Variants in MECOM observed in about 807,000 individuals in gnomAD.
MECOM encodes the protein histone-lysine N-methyltransferase MECOM.
Under a neutral mutation model 116.3 loss-of-function variants are expected in MECOM, and 13 were observed. The observed-to-expected ratio is 0.11, with a 90% CI of 0.07 to 0.18. The LOEUF (loss-of-function observed/expected upper bound fraction) is 0.18, where lower values mean the gene tolerates loss of function less well. Among genes scored for constraint, MECOM ranks in the 10% least tolerant of loss-of-function variants. The pLI, the probability that MECOM is intolerant of heterozygous loss-of-function variation, is 1.00. For missense variants in MECOM, 1,299 were observed against 1,509.0 expected (o/e 0.86, Z 2.31); for synonymous variants, 528 against 535.2 (o/e 0.99, Z 0.19).
chr3:169,149,690 T>C (rs1486285478), intron 2 of MECOM: 1 of 479,524 alleles, frequency 2.1e-6, no homozygotes, highest in Non-Finnish European at 4.2e-6. Flanking sequence ...TTCCTACGTC[T>C]GAGCTTCTCT....
chr3:169,150,670 T>C (rs951383628), intron 2 of MECOM, among the ~76,000 whole-genome samples: 2 of 152,230 alleles, frequency 1.3e-5, no homozygotes, highest in African/African-American at 4.8e-5. Context: ...TCAGTGATGT[T>C]TAAAAAGAGA....
rs943777975 is a variant in MECOM at position 169,083,678 on chromosome 3, A to T, written c.*1231T>A. On this transcript the variant is annotated 3_prime_UTR_variant, in exon 17 of 17. Coordinates refer to ENST00000651503, the MANE Select transcript of MECOM (RefSeq NM_004991.4). ...AATCTGGTTCCTCAATAAAGGGCAA[A>T]ATAACTGAATACAGTCTGTTATTTA... 1.5e-5 allele frequency: 3 copies of T among 201,704 alleles called. No homozygotes were observed. The highest frequency in any genetic ancestry group is 6.9e-5 in the African/African-American group (3 of 43,734). 12.5% of individuals were successfully genotyped at this position (201,704 alleles called of 1,614,324 possible).
At chr3:169,266,400 T>C (rs1439521213) in intron 2 of MECOM, among the ~76,000 whole-genome samples, 2 of 152,228 alleles carry the variant, frequency 1.3e-5, no homozygotes, top group Non-Finnish European at 2.9e-5. Flanking sequence ...TGTTTGAAAA[T>C]GGTATAACCA....
chr3:169,240,933 C>T lies in MECOM; in HGVS notation c.376-97101G>A, dbSNP rs953970485. ...CAAACAGCACAATGAAATTGTAATGCCCTCTCCGTGTGGACCTGGATTATT... is the reference window on the plus strand; with the variant it reads ...CAAACAGCACAATGAAATTGTAATGTCCTCTCCGTGTGGACCTGGATTATT... On this transcript the variant is annotated intron_variant, in intron 2 of 16. Transcript: ENST00000651503. Among the ~76,000 whole-genome samples the T allele has an allele frequency of 2.8e-4, 43 of 152,248 alleles. 1 individual carries two copies. Among genetic ancestry groups the T allele is most frequent in the Admixed American group, 1.6e-3 (25 of 15,292 alleles).
chr3:169,299,114 T>C (rs1716193132), intron 2 of MECOM, among the ~76,000 whole-genome samples: 1 of 152,168 alleles, frequency 6.6e-6, no homozygotes, highest in African/African-American at 2.4e-5. Context: ...TTTTAACAAA[T>C]AGATCCTTCC....
rs563538111 is a variant in MECOM, at chr3:169,294,618, C to T, written c.375+86569G>A. 5.6e-4 allele frequency among the ~76,000 whole-genome samples: 86 copies of T among 152,298 alleles called. 1 individual carries two copies. The highest frequency in any genetic ancestry group is 8.1e-4 in the Non-Finnish European group (55 of 68,026). On this transcript the variant is annotated intron_variant, in intron 2 of 16. Transcript: ENST00000651503. ...AGCCACTAGAAAAACAAACAAACAACCAAATACAGCTCAAGGCTTATCAGC... is the reference window on the plus strand; with the variant it reads ...AGCCACTAGAAAAACAAACAAACAATCAAATACAGCTCAAGGCTTATCAGC...
intron 2 of MECOM, among the ~76,000 whole-genome samples, chr3:169,263,127 A>ATT (rs1757800705): frequency 5.1e-5 from 1 of 19,610 alleles, no homozygotes; most frequent in African/African-American, 2.4e-4. Flanking sequence ...ATATATATAT[A>ATT]TGTTTTTTTT....
intron 2 of MECOM, among the ~76,000 whole-genome samples, chr3:169,360,332 GA>G (rs1238296288): frequency 1.2e-4 from 6 of 51,586 alleles, no homozygotes; most frequent in Non-Finnish European, 1.9e-4. Context: ...AAAAAAAAAA[GA>G]AAAAAAAAAA....
At chr3:169,578,750 A>C (rs1328134625) in intron 1 of MECOM, among the ~76,000 whole-genome samples, 1 of 152,198 alleles carries the variant, frequency 6.6e-6, no homozygotes, top group Admixed American at 6.5e-5. Context: ...CCGCTGAATT[A>C]ATTACAAGCG....
chr3:169,382,861 AAAATAAAAAAAAT>A (rs1247953191), intron 1 of MECOM, among the ~76,000 whole-genome samples: 962 of 86,502 alleles, frequency 0.011, 64 homozygotes, highest in African/African-American at 0.039. Flanking sequence ...AAAAAAAAAA[AAAATAAAAAAAAT>A]AAAAAAAGAA....
At position 169,143,785 on chromosome 3, in the gene MECOM, T is replaced by A. The variant is rs1157976238; in HGVS notation, c.423A>T (p.Gln141His). The change falls in exon 3 of 17, where the codon CAA becomes CAT. Residue 141 changes from glutamine (Q) to histidine (H), a missense_variant. Around this residue, in one of 6 missense-constraint regions of MECOM, gnomAD observed 374 missense variants for 433.4 expected, o/e 0.86. Transcript: ENST00000651503. Reference protein sequence around the residue: ...YNVKFCIDASQPDVGSWLKYI... With the variant: ...YNVKFCIDASHPDVGSWLKYI... ...ACTTGAGCCAGCTTCCAACATCTGG[T>A]TGACTGGCATCTATGCAGAACTTCA... The A allele has an allele frequency of 6.2e-7, 1 of 1,611,792 alleles. No homozygotes were observed. The highest frequency in any genetic ancestry group is 1.7e-5 in the Admixed American group (1 of 59,700).
chr3:169,145,040 A>G, intron 2 of MECOM: 1 of 1,553,512 alleles, frequency 6.4e-7, no homozygotes, highest in South Asian at 1.2e-5. Context: ...GCTTTAGTCA[A>G]GAAGCCCTAT....
chr3:169,406,620 G>A (rs1232271107), intron 1 of MECOM, among the ~76,000 whole-genome samples: 1 of 152,086 alleles, frequency 6.6e-6, no homozygotes, highest in East Asian at 1.9e-4. Context: ...AACTTACTAT[G>A]TGCCAGACTG....
intron 2 of MECOM, among the ~76,000 whole-genome samples, chr3:169,310,186 GA>G (rs1280236562): frequency 6.6e-6 from 1 of 151,990 alleles, no homozygotes; most frequent in Admixed American, 6.5e-5. Context: ...TTCCCAATTA[GA>G]AAAAATCCAT....
chr3:169,092,288 A>C (rs1719965304), intron 14 of MECOM, among the ~76,000 whole-genome samples: 1 of 152,104 alleles, frequency 6.6e-6, no homozygotes, highest in Non-Finnish European at 1.5e-5. Flanking sequence ...ATGAGTAGTC[A>C]CTTAAGAGGA....
At chr3:169,654,057 C>T (rs1405557405) in intron 1 of MECOM, among the ~76,000 whole-genome samples, 1 of 152,196 alleles carries the variant, frequency 6.6e-6, no homozygotes, top group Non-Finnish European at 1.5e-5. Flanking sequence ...CAGAATCTTC[C>T]TCTAAAAGAA....
At chr3:169,184,914 G>A (rs1746499950) in intron 2 of MECOM, among the ~76,000 whole-genome samples, 1 of 152,172 alleles carries the variant, frequency 6.6e-6, no homozygotes, top group Non-Finnish European at 1.5e-5. Context: ...CTGGAGTGCA[G>A]ACCATTACAT....
intron 1 of MECOM, among the ~76,000 whole-genome samples, chr3:169,455,647 A>T (rs1466332427): frequency 6.6e-6 from 1 of 152,248 alleles, no homozygotes; most frequent in Non-Finnish European, 1.5e-5. Flanking sequence ...CACAACTTCC[A>T]GAACAGTAAA....
chr3:169,350,094 A>G (rs2149804812), intron 2 of MECOM, among the ~76,000 whole-genome samples: 1 of 152,124 alleles, frequency 6.6e-6, no homozygotes, highest in South Asian at 2.1e-4. Flanking sequence ...TTCCTTCAAC[A>G]TTCAAAGTTT....
Sources: allele counts gnomAD v4.1 joint callset (sites outside exome capture counted in the v4.1 genomes callset), GRCh38; gene constraint gnomAD v4.1.1; regional missense constraint gnomAD v4.1.1; transcripts MANE v1.5; gene names NCBI Gene and HGNC (gene_info 2026-07-23, HGNC 2026-07-21).